The following PCCA variants were observed in gnomAD, a reference collection of about 807,000 sequenced individuals.
PCCA encodes propionyl-CoA carboxylase subunit alpha.
A neutral mutation model predicts 101.3 loss-of-function variants in PCCA; 74 were observed. That is an observed-to-expected ratio of 0.73 (90% CI 0.61 to 0.89). The LOEUF (loss-of-function observed/expected upper bound fraction) is 0.89. Ranked by LOEUF, PCCA falls within the 40% of genes least tolerant of loss-of-function variation. PCCA has a pLI of 0.00. For synonymous variants in PCCA, 294 were observed against 313.6 expected (o/e 0.94, Z 0.66); for missense variants, 891 against 907.0 (o/e 0.98, Z 0.23).
chr13:100,529,896 T>A (rs1315864402), intron 23 of PCCA, among the ~76,000 whole-genome samples: 2 of 151,826 alleles, frequency 1.3e-5, no homozygotes, highest in Non-Finnish European at 2.9e-5. Context: ...AGGGGAGGAG[T>A]GAGCCACGGC....
chr13:100,271,020 GAAAAAT>G (rs1313169132), intron 11 of PCCA, among the ~76,000 whole-genome samples: 3 of 149,722 alleles, frequency 2.0e-5, no homozygotes, highest in African/African-American at 7.4e-5. Flanking sequence ...CCCACCCCCC[GAAAAAT>G]AAAAATAAAA....
At chr13:100,107,628 C>T (rs1190706962) in intron 2 of PCCA, among the ~76,000 whole-genome samples, 3 of 152,182 alleles carry the variant, frequency 2.0e-5, no homozygotes, top group South Asian at 4.1e-4. Context: ...ACATGAATAC[C>T]TGGATGTGAA....
intron 21 of PCCA, among the ~76,000 whole-genome samples, chr13:100,494,480 T>A (rs997015442): frequency 4.0e-5 from 6 of 151,782 alleles, no homozygotes; most frequent in Middle Eastern, 3.2e-3. Context: ...GGTCGGGAGT[T>A]TGAGACCAGC....
rs912855666 is a variant in PCCA at position 100,182,191 on chromosome 13, C to T, written c.468+24851C>T. Among the ~76,000 whole-genome samples the T allele has an allele frequency of 1.0e-4, 14 of 134,746 alleles. No individual in the cohort carries two copies. The South Asian group carries it at 1.7e-3, about 17-fold the overall frequency. The allele number at this position is 134,746 out of a possible 152,430, so 88.4% of individuals were successfully genotyped here. A position where few individuals can be genotyped will look rare whatever the true frequency, so the allele number is the denominator to read the frequency against. ...TGGCTTACTGCAACCTCCACCTCCCCGTTCAAGCGATTCTCCTGCCTCAGC... is the reference window on the plus strand; with the variant it reads ...TGGCTTACTGCAACCTCCACCTCCCTGTTCAAGCGATTCTCCTGCCTCAGC... On this transcript the variant is annotated intron_variant, in intron 6 of 23. Transcript: ENST00000376285.
intron 18 of PCCA, among the ~76,000 whole-genome samples, chr13:100,361,881 GA>G (rs2074643225): frequency 6.6e-6 from 1 of 152,030 alleles, no homozygotes; most frequent in Non-Finnish European, 1.5e-5. Flanking sequence ...CTACTCCCTA[GA>G]TTTTTTACCC....
At chr13:100,094,520 G>A (rs1283792866) in intron 1 of PCCA, among the ~76,000 whole-genome samples, 1 of 152,218 alleles carries the variant, frequency 6.6e-6, no homozygotes, top group Admixed American at 6.5e-5. Flanking sequence ...TTTAAAGAAT[G>A]TTGGAAGATA....
chr13:100,349,416 C>T (rs1196604694), intron 18 of PCCA, among the ~76,000 whole-genome samples: 4 of 152,256 alleles, frequency 2.6e-5, no homozygotes, highest in East Asian at 1.9e-4. Flanking sequence ...CGTGAGCCAC[C>T]GTGCCTGGCC....
chr13:100,101,525 T>C (rs953817334), intron 1 of PCCA, among the ~76,000 whole-genome samples: 1 of 152,214 alleles, frequency 6.6e-6, no homozygotes, highest in Non-Finnish European at 1.5e-5. Context: ...GTAAAGGTTT[T>C]ATTTTATAAA....
intron 6 of PCCA, among the ~76,000 whole-genome samples, chr13:100,159,816 G>A (rs1373440242): frequency 6.6e-6 from 1 of 152,170 alleles, no homozygotes; most frequent in Non-Finnish European, 1.5e-5. Flanking sequence ...CTGGGTGGGT[G>A]TGCCTGGCCT....
intron 19 of PCCA, among the ~76,000 whole-genome samples, chr13:100,404,535 A>G (rs2077557884): frequency 6.6e-6 from 1 of 152,122 alleles, no homozygotes; most frequent in African/African-American, 2.4e-5. Flanking sequence ...CAAACTGAAG[A>G]TGAATGGCTA....
At chr13:100,520,023 G>A (rs2087113712) in intron 22 of PCCA, among the ~76,000 whole-genome samples, 1 of 152,198 alleles carries the variant, frequency 6.6e-6, no homozygotes, top group Non-Finnish European at 1.5e-5. Context: ...TTGACAAGAT[G>A]CCAGTTTTCA....
intron 6 of PCCA, among the ~76,000 whole-genome samples, chr13:100,203,061 A>G (rs2058625657): frequency 6.6e-6 from 1 of 151,858 alleles, no homozygotes; most frequent in African/African-American, 2.4e-5. Context: ...TCACGAGATC[A>G]GGAGTTCGAT....
intron 4 of PCCA, among the ~76,000 whole-genome samples, chr13:100,135,721 A>C (rs896750304): frequency 6.6e-6 from 1 of 152,116 alleles, no homozygotes; most frequent in Non-Finnish European, 1.5e-5. Context: ...AGTGGTGCAC[A>C]TTCTTGCCTT....
chr13:100,457,884 T>C (rs915469329), intron 21 of PCCA, among the ~76,000 whole-genome samples: 2 of 152,154 alleles, frequency 1.3e-5, no homozygotes, highest in Non-Finnish European at 2.9e-5. Flanking sequence ...TGTGTGACGC[T>C]GATGCTCCTG....
intron 19 of PCCA, among the ~76,000 whole-genome samples, chr13:100,381,255 G>C (rs988365022): frequency 6.6e-6 from 1 of 152,182 alleles, no homozygotes; most frequent in Non-Finnish European, 1.5e-5. Context: ...GGGGCATGGT[G>C]ATGGGCGCCT....
At chr13:100,517,191 C>T (rs930751976) in intron 22 of PCCA, among the ~76,000 whole-genome samples, 2 of 152,028 alleles carry the variant, frequency 1.3e-5, no homozygotes, top group Non-Finnish European at 2.9e-5. Context: ...CTGCCTCAAG[C>T]CTGGAGGGCA....
At chr13:100,301,330 T>C (rs2066039383) in intron 12 of PCCA, 130 bp from the exon 13 acceptor site, 2 of 928,718 alleles carry the variant, frequency 2.2e-6, no homozygotes, top group Non-Finnish European at 3.4e-6. Flanking sequence ...AAGAGTTTTT[T>C]AGTCAAATAT....
At chr13:100,170,493 T>C (rs1248021430) in intron 6 of PCCA, among the ~76,000 whole-genome samples, 1 of 152,194 alleles carries the variant, frequency 6.6e-6, no homozygotes, top group Non-Finnish European at 1.5e-5. Flanking sequence ...ATTACAATGT[T>C]CCTAAGTTAC....
chr13:100,100,410 T>G (rs1299207518), intron 1 of PCCA, among the ~76,000 whole-genome samples: 1 of 152,202 alleles, frequency 6.6e-6, no homozygotes, highest in Non-Finnish European at 1.5e-5. Flanking sequence ...TAAACAGAAT[T>G]GATTAAAGTT....
Sources: gnomAD v4.1 joint callset for allele counts (sites outside exome capture counted in the v4.1 genomes callset) on GRCh38, gnomAD v4.1.1 for gene constraint, MANE v1.5 for transcripts, NCBI Gene and HGNC (gene_info 2026-07-23, HGNC 2026-07-21) for gene names.